CASK: variants seen among roughly 807,000 people sequenced by gnomAD.
CASK encodes calcium/calmodulin dependent serine protein kinase.
A neutral mutation model predicts 82.9 loss-of-function variants in CASK; 4 were observed. The observed-to-expected ratio is 0.05, with a 90% CI of 0.02 to 0.11. CASK has a LOEUF of 0.11. Ranked by LOEUF, CASK falls within the 10% of genes least tolerant of loss-of-function variation. The pLI, the probability that CASK is intolerant of heterozygous loss-of-function variation, is 1.00. For synonymous variants in CASK, 259 were observed against 253.5 expected (o/e 1.02, Z -0.20); for missense variants, 358 against 720.9 (o/e 0.50, Z 5.76).
intron 21 of CASK, among the ~76,000 whole-genome samples, chrX:41,548,304 T>C (rs1293519058): frequency 8.9e-6 from 1 of 111,776 alleles, no homozygotes; most frequent in African/African-American, 3.2e-5. Flanking sequence ...TTTAATATAT[T>C]ACTGGATTCA....
chrX:41,804,844 T>C lies in CASK; in HGVS notation c.173-17561A>G, dbSNP rs192586551. ...AACTTCATTTATTTAGTCAATTTAG[T>C]GTTTGTTCTCTATAATAACAAAAAA... On this transcript the variant is annotated intron_variant, in intron 2 of 26. Transcript: ENST00000378163. Among the ~76,000 whole-genome samples, 303 of 107,672 alleles carry C rather than the reference T, an allele frequency of 2.8e-3. 3 individuals are homozygous for C. Among genetic ancestry groups the C allele is most frequent in the African/African-American group, 8.7e-3 (264 of 30,279 alleles). The allele number at this position is 107,672 out of a possible 115,157, so 93.5% of individuals were successfully genotyped here. A position where few individuals can be genotyped will look rare whatever the true frequency, so the allele number is the denominator to read the frequency against.
chrX:41,527,358 A>G (rs1208375793), intron 25 of CASK, among the ~76,000 whole-genome samples: 1 of 111,850 alleles, frequency 8.9e-6, no homozygotes, highest in African/African-American at 3.2e-5. Flanking sequence ...TGCTAGATTC[A>G]GATAGTCAAA....
chrX:41,727,511 T>C (rs1265920321), intron 5 of CASK: 4 of 1,210,051 alleles, frequency 3.3e-6, no homozygotes, highest in Middle Eastern at 2.3e-4. Flanking sequence ...ATATGGGGAG[T>C]TGTACTGGGC....
chrX:41,613,341 T>C (rs1308747856), intron 11 of CASK, among the ~76,000 whole-genome samples: 20 of 101,275 alleles, frequency 2.0e-4, no homozygotes, highest in Non-Finnish European at 3.2e-4. Context: ...CCCCCAACCC[T>C]GTGCTCTCTG....
chrX:41,816,291 CAG>C (rs1400817222), intron 2 of CASK, among the ~76,000 whole-genome samples: 3 of 111,782 alleles, frequency 2.7e-5, no homozygotes, highest in African/African-American at 9.7e-5. Flanking sequence ...TATCTAATAA[CAG>C]AACTTCAAAA....
At chrX:41,718,261 A>C (rs1235968422) in intron 5 of CASK, among the ~76,000 whole-genome samples, 1 of 113,211 alleles carries the variant, frequency 8.8e-6, no homozygotes, top group Non-Finnish European at 1.9e-5. Flanking sequence ...CTTCAACTGT[A>C]TCCTTTGTAA....
intron 5 of CASK, among the ~76,000 whole-genome samples, chrX:41,677,201 G>C (rs750622066): frequency 9.2e-6 from 1 of 108,917 alleles, no homozygotes; most frequent in South Asian, 4.1e-4. Flanking sequence ...TATTGAGTTT[G>C]AGATTTTATA....
At chrX:41,829,535 G>A (rs1375165341) in intron 2 of CASK, among the ~76,000 whole-genome samples, 1 of 94,603 alleles carries the variant, frequency 1.1e-5, no homozygotes, top group Non-Finnish European at 2.1e-5. Flanking sequence ...GCCACTGTTG[G>A]ACATTTGGGT....
At chrX:41,639,845 T>C (rs963546703) in intron 8 of CASK, among the ~76,000 whole-genome samples, 3 of 111,960 alleles carry the variant, frequency 2.7e-5, no homozygotes, top group Non-Finnish European at 5.6e-5. Flanking sequence ...GTGCTCATTA[T>C]TGTCCAGCTT....
intron 2 of CASK, among the ~76,000 whole-genome samples, chrX:41,820,266 T>C (rs1032794587): frequency 1.1e-4 from 12 of 110,488 alleles, no homozygotes; most frequent in Admixed American, 9.6e-5. Flanking sequence ...ATTGTTCAAA[T>C]AGAAAATCTT....
chrX:41,815,112 A>C (rs1389487968), intron 2 of CASK, among the ~76,000 whole-genome samples: 1 of 111,387 alleles, frequency 9.0e-6, no homozygotes, highest in Admixed American at 9.6e-5. Context: ...GAAGGGACTG[A>C]GGTATAAAAA....
intron 1 of CASK, among the ~76,000 whole-genome samples, chrX:41,883,600 C>T (rs1357855928): frequency 9.0e-6 from 1 of 111,526 alleles, no homozygotes; most frequent in Non-Finnish European, 1.9e-5. Context: ...GTGGAGCTTA[C>T]TAAAAACAAG....
rs2072817773 is a variant in CASK at position 41,923,129 on chromosome X, G to T, written c.-141C>A. 2.2e-6 allele frequency: 1 copy of T among 444,800 alleles called. No individual in the cohort carries two copies. Among genetic ancestry groups the T allele is most frequent in the Non-Finnish European group, 3.8e-6 (1 of 264,943 alleles). The allele number at this position is 444,800 out of a possible 1,213,427, so 36.7% of individuals were successfully genotyped here. A position where few individuals can be genotyped will look rare whatever the true frequency, so the allele number is the denominator to read the frequency against. Reference sequence around the variant, plus strand: ...TCGGTGCCGAGGACGCTCGAGTGGGGCCGCGAGGCCCAGAGACTGCGGCGC... The same window carrying T: ...TCGGTGCCGAGGACGCTCGAGTGGGTCCGCGAGGCCCAGAGACTGCGGCGC... On this transcript the variant is annotated 5_prime_UTR_variant, in exon 1 of 27. Coordinates refer to ENST00000378163, the MANE Select transcript of CASK (RefSeq NM_001367721.1).
At chrX:41,696,765 T>G (rs756709629) in intron 5 of CASK, 2 of 1,160,370 alleles carry the variant, frequency 1.7e-6, no homozygotes. Context: ...ACAGTCTAGT[T>G]CTAAAAGTAC....
intron 5 of CASK, among the ~76,000 whole-genome samples, chrX:41,687,183 T>A (rs2067456895): frequency 8.9e-6 from 1 of 112,291 alleles, no homozygotes; most frequent in Non-Finnish European, 1.9e-5. Flanking sequence ...TGAAATAGAA[T>A]GCACGTAGTT....
At chrX:41,870,556 G>A (rs952569143) in intron 1 of CASK, among the ~76,000 whole-genome samples, 8 of 112,020 alleles carry the variant, frequency 7.1e-5, no homozygotes, top group Admixed American at 1.9e-4. Context: ...ATGAACCTAA[G>A]TAAACTGACT....
At chrX:41,819,226 T>C (rs925054850) in intron 2 of CASK, among the ~76,000 whole-genome samples, 8 of 111,017 alleles carry the variant, frequency 7.2e-5, no homozygotes, top group Non-Finnish European at 1.5e-4. Context: ...ATTTTAATGA[T>C]CAAGGAAAAT....
At chrX:41,587,700 T>C (rs774726908) in intron 13 of CASK, 10 of 112,195 alleles carry the variant, frequency 8.9e-5, no homozygotes, top group Non-Finnish European at 1.5e-4. Context: ...ACAGGTAAAA[T>C]TGATTGTTTT....
intron 2 of CASK, among the ~76,000 whole-genome samples, chrX:41,834,507 C>T (rs1202600903): frequency 9.0e-6 from 1 of 111,589 alleles, no homozygotes; most frequent in Non-Finnish European, 1.9e-5. Flanking sequence ...TTGAAGTTGC[C>T]TGTTAATCAA....
Sources: allele counts gnomAD v4.1 joint callset (sites outside exome capture counted in the v4.1 genomes callset), GRCh38; gene constraint gnomAD v4.1.1; transcripts MANE v1.5; gene names NCBI Gene and HGNC (gene_info 2026-07-23, HGNC 2026-07-21).